The following GRIK4 variants were observed in gnomAD, a reference collection of about 807,000 sequenced individuals.
The protein encoded by GRIK4 is glutamate receptor ionotropic, kainate 4.
GRIK4 carries 40 observed loss-of-function variants against 104.9 expected under a neutral mutation model. The ratio of observed to expected loss-of-function variants is 0.38; its 90% CI spans 0.30 to 0.50. GRIK4 has a LOEUF of 0.50. Ranked by LOEUF, GRIK4 falls within the 20% of genes least tolerant of loss-of-function variation. GRIK4 has a pLI of 0.93. For missense variants in GRIK4, 1,047 were observed against 1,308.1 expected (o/e 0.80, Z 3.08); for synonymous variants, 485 against 524.9 (o/e 0.92, Z 1.04).
intron 1 of GRIK4, among the ~76,000 whole-genome samples, chr11:120,563,010 G>T (rs1008375626): frequency 6.6e-6 from 1 of 152,166 alleles, no homozygotes; most frequent in Admixed American, 6.5e-5. Flanking sequence ...TGTGACTGCC[G>T]AGATGTCAGT....
At chr11:120,740,993 G>A (rs1591853359) in intron 3 of GRIK4, among the ~76,000 whole-genome samples, 1 of 152,192 alleles carries the variant, frequency 6.6e-6, no homozygotes, top group East Asian at 1.9e-4. Flanking sequence ...ACCTAAGGGA[G>A]GAGGGGCCTC....
At chr11:120,836,085 G>A (rs779886890) in intron 7 of GRIK4, among the ~76,000 whole-genome samples, 23 of 152,164 alleles carry the variant, frequency 1.5e-4, no homozygotes, top group Non-Finnish European at 2.6e-4. Flanking sequence ...GAGTTGATTT[G>A]CATTGCTACA....
intron 6 of GRIK4, among the ~76,000 whole-genome samples, chr11:120,822,067 C>T (rs189001393): frequency 5.9e-4 from 89 of 151,870 alleles, no homozygotes; most frequent in African/African-American, 2.0e-3. Flanking sequence ...AAAAATTAGA[C>T]GGGTGTGGTG....
intron 1 of GRIK4, among the ~76,000 whole-genome samples, chr11:120,536,814 C>T (rs189733805): frequency 9.2e-5 from 14 of 152,300 alleles, no homozygotes; most frequent in African/African-American, 3.4e-4. Context: ...AGGAAGAGTC[C>T]TGCATCTAGA....
At chr11:120,574,479 C>T (rs552205414) in intron 1 of GRIK4, among the ~76,000 whole-genome samples, 3 of 152,290 alleles carry the variant, frequency 2.0e-5, no homozygotes, top group African/African-American at 7.2e-5. Context: ...GACACGGAAG[C>T]ACCTGGCTCA....
intron 3 of GRIK4, among the ~76,000 whole-genome samples, chr11:120,662,335 C>T (rs747915878): frequency 1.3e-5 from 2 of 152,188 alleles, no homozygotes; most frequent in African/African-American, 2.4e-5. Flanking sequence ...CTGGCAAGGT[C>T]AAACCGGGCC....
chr11:120,784,029 C>A (rs1952214731), intron 3 of GRIK4, among the ~76,000 whole-genome samples: 1 of 152,166 alleles, frequency 6.6e-6, no homozygotes, highest in Non-Finnish European at 1.5e-5. Flanking sequence ...CACCCACATC[C>A]TAGATGTGGC....
intron 13 of GRIK4, among the ~76,000 whole-genome samples, chr11:120,922,183 A>C (rs1943241285): frequency 6.6e-6 from 1 of 152,212 alleles, no homozygotes; most frequent in Admixed American, 6.5e-5. Context: ...TAATCTTAGG[A>C]CAACATTACA....
At chr11:120,815,873 G>A (rs964890603) in intron 5 of GRIK4, among the ~76,000 whole-genome samples, 4 of 152,188 alleles carry the variant, frequency 2.6e-5, no homozygotes, top group South Asian at 2.1e-4. Context: ...TTTACATATC[G>A]GGATTCTGGG....
intron 3 of GRIK4, among the ~76,000 whole-genome samples, chr11:120,672,162 A>G (rs1259752483): frequency 6.6e-6 from 1 of 152,204 alleles, no homozygotes; most frequent in Admixed American, 6.5e-5. Context: ...TCACGCCTGT[A>G]ATCCCAGCAC....
At chr11:120,930,005 G>GGA (rs888672664) in intron 13 of GRIK4, among the ~76,000 whole-genome samples, 1 of 136,646 alleles carries the variant, frequency 7.3e-6, no homozygotes, top group African/African-American at 2.5e-5. Context: ...CCACGTTTGG[G>GGA]GGGGGGGTCC....
At position 120,555,015 on chromosome 11, in the gene GRIK4, C is replaced by T. The variant is rs375424309; in HGVS notation, c.-159+43128C>T. ...CAACCACACTCCCACACAGGCATCC[C>T]GTAAAGGTAGTCCATGCGAGTCCAC... On this transcript the variant is annotated intron_variant, in intron 1 of 20. Transcript: ENST00000527524. This position sits in a 1 kb window ranked among gnomAD's most constrained non-coding sequence, Gnocchi z 5.3. Among the ~76,000 whole-genome samples, 7 of 152,280 alleles carry T rather than the reference C, an allele frequency of 4.6e-5. No homozygotes were observed. In the South Asian group the frequency reaches 1.0e-3, roughly 23 times the overall value.
chr11:120,849,862 G>A (rs1295531827), intron 8 of GRIK4, among the ~76,000 whole-genome samples: 1 of 152,228 alleles, frequency 6.6e-6, no homozygotes, highest in Non-Finnish European at 1.5e-5. Context: ...AGTCATATAG[G>A]TCAGAAGTCC....
chr11:120,812,181 C>T (rs1382196484), intron 4 of GRIK4, among the ~76,000 whole-genome samples: 1 of 152,120 alleles, frequency 6.6e-6, no homozygotes, highest in Non-Finnish European at 1.5e-5. Flanking sequence ...GGAACCTGGC[C>T]CTTGACCTGT....
chr11:120,631,541 C>T (rs1025109053), intron 1 of GRIK4, among the ~76,000 whole-genome samples: 16 of 152,246 alleles, frequency 1.1e-4, no homozygotes, highest in South Asian at 4.1e-4. Context: ...AACTCAGCAG[C>T]GTCCCCCTCC....
At chr11:120,928,992 C>T (rs2852239) in intron 13 of GRIK4, among the ~76,000 whole-genome samples, 67,294 of 147,626 alleles carry the variant, frequency 0.46, 16,658 homozygotes, top group East Asian at 0.61. Context: ...TGTGTGTGCG[C>T]GCGTGCACGC....
chr11:120,985,696 G>A lies in GRIK4; in HGVS notation c.2515-208G>A, dbSNP rs192157035. On this transcript the variant is annotated intron_variant, in intron 20 of 20. Coordinates refer to ENST00000527524, the MANE Select transcript of GRIK4 (RefSeq NM_014619.5). ...AACAAAGATTGGAGACCAGCTGGTGGGGCTCTTGAATATTATGGTATGGAG... is the reference window on the plus strand; with the variant it reads ...AACAAAGATTGGAGACCAGCTGGTGAGGCTCTTGAATATTATGGTATGGAG... 1.4e-3 allele frequency among the ~76,000 whole-genome samples: 211 copies of A among 152,218 alleles called. 1 individual carries two copies. Among genetic ancestry groups the A allele is most frequent in the African/African-American group, 4.9e-3 (205 of 41,558 alleles).
In GRIK4 at chr11:120,831,904, G is replaced by C; in HGVS notation, c.564G>C (p.Thr188=). Reference sequence around the variant, plus strand: ...GGCAATTCCTTATCTCCAAGGACACGCTGTCCGTCCGCATGCTGGATGACA... The same window carrying C: ...GGCAATTCCTTATCTCCAAGGACACCCTGTCCGTCCGCATGCTGGATGACA... The part of the protein sequence containing the change: ...LLRQFLISKD[T]LSVRMLDDTR... The change falls in exon 7 of 21, where the codon ACG becomes ACC. Residue 188 remains threonine (T), a synonymous_variant. Transcript: ENST00000527524. 6.2e-7 allele frequency: 1 copy of C among 1,613,788 alleles called. No individual in the cohort carries two copies. Among genetic ancestry groups the C allele is most frequent in the South Asian group, 1.1e-5 (1 of 91,040 alleles).
intron 3 of GRIK4, among the ~76,000 whole-genome samples, chr11:120,741,180 C>G (rs1210834877): frequency 6.6e-6 from 1 of 151,938 alleles, no homozygotes; most frequent in Non-Finnish European, 1.5e-5. Flanking sequence ...ATATCCTCCA[C>G]TTTACAATTG....
Sources: gnomAD v4.1 joint callset for allele counts (sites outside exome capture counted in the v4.1 genomes callset) on GRCh38, gnomAD v4.1.1 for gene constraint, Gnocchi (gnomAD v3.1) non-coding constraint, MANE v1.5 for transcripts, NCBI Gene and HGNC (gene_info 2026-07-23, HGNC 2026-07-21) for gene names.